CWC25: variants seen among roughly 807,000 people sequenced by gnomAD.
CWC25 encodes CWC25 spliceosome associated protein.
Under a neutral mutation model 54.6 loss-of-function variants are expected in CWC25, and 31 were observed. The observed-to-expected ratio is 0.57, with a 90% CI of 0.43 to 0.77. The LOEUF (loss-of-function observed/expected upper bound fraction) is 0.77. CWC25 is among the 30% of genes least tolerant of loss of function. The pLI is 0.00. For missense variants in CWC25, 453 were observed against 529.3 expected, an observed-to-expected ratio of 0.86 and a Z score of 1.41; for synonymous variants, 151 against 187.0, an observed-to-expected ratio of 0.81 and a Z score of 1.57.
rs1911050903 is a variant in CWC25 at position 38,802,126 on chromosome 17, G to A, written c.1244C>T (p.Ser415Leu). The change falls in exon 10 of 10, where the codon TCG becomes TTG. Residue 415 changes from serine (S) to leucine (L), a missense_variant. Ser to Leu is a moderately radical substitution (Grantham distance 145). Transcript: ENST00000614790. ...KRNIYSLQRT[S>L]VALEKNFMKR ...CATAAAGTTCTTCTCCAGAGCTACC[G>A]AAGTTCTCTGTAAAGAGTAGATATT... The A allele has an allele frequency of 2.5e-6, 4 of 1,613,522 alleles. No individual in the cohort carries two copies. Among genetic ancestry groups the A allele is most frequent in the Non-Finnish European group, 1.7e-6 (2 of 1,179,516 alleles).
At chr17:38,821,126 G>A in intron 1 of CWC25, 53 bp from the exon 2 acceptor site, 2 of 1,563,296 alleles carry the variant, frequency 1.3e-6, no homozygotes, top group Non-Finnish European at 1.7e-6. Flanking sequence ...CTGAGTGGTG[G>A]GTATAACTAG....
At chr17:38,809,904 T>A in intron 5 of CWC25, 139 bp from the exon 6 acceptor site, 1 of 722,924 alleles carries the variant, frequency 1.4e-6, no homozygotes, top group Non-Finnish European at 2.3e-6. Flanking sequence ...TACGTTTCTC[T>A]ATTTGGACTG....
At chr17:38,819,160 C>T (rs796355425) in intron 2 of CWC25, among the ~76,000 whole-genome samples, 17 of 151,700 alleles carry the variant, frequency 1.1e-4, no homozygotes, top group African/African-American at 3.6e-4. Context: ...GTAGCTGGGA[C>T]TACAGGCACA....
chr17:38,820,853 A>G (rs892061544), intron 2 of CWC25, 48 bp downstream of exon 2: 3 of 1,572,956 alleles, frequency 1.9e-6, no homozygotes, highest in Admixed American at 1.8e-5. Context: ...ATCTCAGGAC[A>G]GCTCTGCAAT....
intron 1 of CWC25, 114 bp downstream of exon 1, chr17:38,825,052 C>T (rs1459358625): frequency 9.9e-7 from 1 of 1,005,956 alleles, no homozygotes; most frequent in Non-Finnish European, 1.4e-6. Flanking sequence ...CGGCCTCCTC[C>T]CGGCGAAAGC....
At chr17:38,806,462 C>A in intron 7 of CWC25, 67 bp from the exon 8 acceptor site, 1 of 1,278,696 alleles carries the variant, frequency 7.8e-7, no homozygotes, top group East Asian at 2.4e-5. Context: ...CTGAATCCCT[C>A]AAACAATGCA....
rs536169535 is a variant in CWC25, at chr17:38,808,638, A to G, written c.690+1064T>C. ...TCTATTAAAAATACAAAAATTAGCC[A>G]GGTGTGATGGCAGGTGCCTGTAATC... On this transcript the variant is annotated intron_variant, in intron 6 of 9. Coordinates refer to ENST00000614790, the MANE Select transcript of CWC25 (RefSeq NM_017748.5). Among the ~76,000 whole-genome samples, 3 of 103,536 alleles carry G rather than the reference A, an allele frequency of 2.9e-5. 1 individual carries two copies. The Admixed American group carries it at 3.4e-4, about 12-fold the overall frequency. The allele number at this position is 103,536 out of a possible 152,430, so 67.9% of individuals were successfully genotyped here.
At chr17:38,825,110 C>A in intron 1 of CWC25, 56 bp downstream of exon 1, 1 of 1,436,908 alleles carries the variant, frequency 7.0e-7, no homozygotes, top group East Asian at 2.6e-5. Flanking sequence ...CCCCCACCCC[C>A]TGCCAATTTC....
chr17:38,814,063 G>A (rs55682222), intron 3 of CWC25, among the ~76,000 whole-genome samples: 5 of 151,574 alleles, frequency 3.3e-5, no homozygotes, highest in African/African-American at 4.8e-5. Context: ...GGGTTTCACC[G>A]TGTTAGCCAG....
intron 6 of CWC25, 46 bp downstream of exon 6, chr17:38,809,656 T>C (rs1279012071): frequency 1.3e-6 from 2 of 1,573,206 alleles, no homozygotes; most frequent in Middle Eastern, 1.7e-4. Context: ...AAGTGGCACA[T>C]CCCACAGTCC....
rs1209411083 is a variant in CWC25, at chr17:38,815,078, C to A, written c.211G>T (p.Asp71Tyr). 20 of 1,612,514 alleles carry A rather than the reference C, an allele frequency of 1.2e-5. No homozygotes were observed. The highest frequency in any genetic ancestry group is 1.6e-5 in the Non-Finnish European group (19 of 1,179,408). ...CCACCAGGACCCTGGTACATCCAGT[C>A]CAACTTTTCTTCTTTTTTCCTGGTT... ...GAVKKKEEKL[D>Y]WMYQGPGGMV... Residue 71 changes from aspartate (D) to tyrosine (Y), a missense_variant, in exon 3 of 10, where the codon GAC becomes TAC. Around this residue, in one of 2 missense-constraint regions of CWC25, gnomAD observed 444 missense variants for 499.2 expected, o/e 0.89. Coordinates refer to ENST00000614790, the MANE Select transcript of CWC25 (RefSeq NM_017748.5).
intron 8 of CWC25, among the ~76,000 whole-genome samples, chr17:38,804,757 G>A (rs146349644): frequency 7.7e-4 from 107 of 139,714 alleles, no homozygotes; most frequent in African/African-American, 2.3e-3. Context: ...GCAGTGAGCC[G>A]AGATCGTGCC....
At position 38,818,568 on chromosome 17, in the gene CWC25, A is replaced by G. The variant is rs186695933; in HGVS notation, c.191+2333T>C. Among the ~76,000 whole-genome samples, 1,081 of 144,470 alleles carry G rather than the reference A, an allele frequency of 7.5e-3. 10 individuals carry two copies. Among genetic ancestry groups the G allele is most frequent in the African/African-American group, 0.027 (1,036 of 38,948 alleles). 94.8% of individuals were successfully genotyped at this position (144,470 alleles called of 152,430 possible). ...GATCGTGCTGCACTCCAGCCTGGAC[A>G]ACAGAGCGAGACTCCATCTCAAAAA... On this transcript the variant is annotated intron_variant, in intron 2 of 9. Coordinates refer to ENST00000614790, the MANE Select transcript of CWC25 (RefSeq NM_017748.5).
intron 5 of CWC25, 63 bp from the exon 6 acceptor site, chr17:38,809,828 T>A: frequency 6.9e-7 from 1 of 1,456,560 alleles, no homozygotes; most frequent in South Asian, 1.2e-5. Flanking sequence ...AATTTAAATA[T>A]CTTATGCTGA....
chr17:38,823,486 A>C (rs1355342261), intron 1 of CWC25, among the ~76,000 whole-genome samples: 1 of 151,936 alleles, frequency 6.6e-6, no homozygotes, highest in African/African-American at 2.4e-5. Context: ...AAAAAAAGAA[A>C]AGAGAATGGA....
intron 6 of CWC25, 36 bp from the exon 7 acceptor site, chr17:38,807,012 G>A: frequency 6.4e-7 from 1 of 1,561,074 alleles, no homozygotes; most frequent in Non-Finnish European, 8.8e-7. Flanking sequence ...TATTCACATG[G>A]AAAATCCAGC....
intron 6 of CWC25, among the ~76,000 whole-genome samples, chr17:38,809,288 C>A (rs7212698): frequency 1.3e-5 from 2 of 151,116 alleles, no homozygotes; most frequent in African/African-American, 4.9e-5. Flanking sequence ...ATTAGTCGGG[C>A]GTGGTGGTGG....
chr17:38,812,550 C>G (rs940777435), intron 4 of CWC25, among the ~76,000 whole-genome samples: 1 of 152,108 alleles, frequency 6.6e-6, no homozygotes, highest in Admixed American at 6.6e-5. Flanking sequence ...TAACTTGAAC[C>G]TGGGAGGCGG....
chr17:38,809,226 A>G (rs613255), intron 6 of CWC25, among the ~76,000 whole-genome samples: 31,657 of 151,566 alleles, frequency 0.21, 3,449 homozygotes, highest in Admixed American at 0.28. Flanking sequence ...TCAGGAGTTC[A>G]AGACCATCCT....
Sources: allele counts gnomAD v4.1 joint callset (sites outside exome capture counted in the v4.1 genomes callset), GRCh38; gene constraint gnomAD v4.1.1; regional missense constraint gnomAD v4.1.1; transcripts MANE v1.5; gene names NCBI Gene and HGNC (gene_info 2026-07-23, HGNC 2026-07-21).